Variants in RGS6 observed in about 807,000 individuals in gnomAD.
RGS6 encodes the protein regulator of G-protein signaling 6.
RGS6 carries 30 observed loss-of-function variants against 78.5 expected under a neutral mutation model. The observed-to-expected ratio is 0.38, with a 90% CI of 0.29 to 0.52. The LOEUF is 0.52. RGS6 is among the 20% of genes least tolerant of loss of function. The pLI is 0.85. For missense variants in RGS6, 495 were observed against 609.7 expected (o/e 0.81, Z 1.98); for synonymous variants, 206 against 206.0 (o/e 1.00, Z 0.00).
intron 2 of RGS6, among the ~76,000 whole-genome samples, chr14:72,140,282 CT>C (rs2096521598): frequency 6.6e-6 from 1 of 152,214 alleles, no homozygotes; most frequent in South Asian, 2.1e-4. Flanking sequence ...AACTATACCC[CT>C]ATTACTATTT....
intron 3 of RGS6, among the ~76,000 whole-genome samples, chr14:72,443,179 G>A (rs1463036516): frequency 6.6e-6 from 1 of 152,226 alleles, no homozygotes; most frequent in African/African-American, 2.4e-5. Flanking sequence ...GTAAGTGTCA[G>A]AGACTGCTAA....
intron 16 of RGS6, among the ~76,000 whole-genome samples, chr14:72,538,620 C>T (rs547789223): frequency 6.6e-6 from 1 of 152,346 alleles, no homozygotes; most frequent in South Asian, 2.1e-4. Context: ...ACTGGCCTGA[C>T]TTGAGCCAAG....
chr14:72,435,960 T>G (rs2094892400), intron 3 of RGS6, among the ~76,000 whole-genome samples: 1 of 152,192 alleles, frequency 6.6e-6, no homozygotes, highest in Non-Finnish European at 1.5e-5. Flanking sequence ...CGGGGGGACA[T>G]TATTCTATTG....
chr14:72,471,978 C>T (rs1260742036), intron 8 of RGS6, among the ~76,000 whole-genome samples: 1 of 152,060 alleles, frequency 6.6e-6, no homozygotes, highest in Non-Finnish European at 1.5e-5. Context: ...TTTTGATTAA[C>T]TCTGTGATTA....
chr14:72,510,998 G>A (rs1225366955), intron 14 of RGS6, among the ~76,000 whole-genome samples: 5 of 152,076 alleles, frequency 3.3e-5, no homozygotes, highest in Non-Finnish European at 7.4e-5. Flanking sequence ...AAGAAAAGGG[G>A]GTGAATTGAA....
At chr14:72,393,297 A>T (rs918608409) in intron 3 of RGS6, among the ~76,000 whole-genome samples, 1 of 152,206 alleles carries the variant, frequency 6.6e-6, no homozygotes, top group South Asian at 2.1e-4. Flanking sequence ...TTTGGTGATC[A>T]AGCAGCTCAA....
chr14:72,597,838 A>C, the RGS6 span, among the ~76,000 whole-genome samples: 2 of 152,148 alleles, frequency 1.3e-5, no homozygotes, highest in African/African-American at 4.8e-5. Context: ...CAGCCCCCAG[A>C]GAGAGAGGAT....
At chr14:71,923,514 A>C in the RGS6 span, among the ~76,000 whole-genome samples, 1 of 152,182 alleles carries the variant, frequency 6.6e-6, no homozygotes, top group Non-Finnish European at 1.5e-5. Context: ...TGAGCCCAGG[A>C]GTTTGAGTCC....
At chr14:71,877,525 A>G in the RGS6 span, among the ~76,000 whole-genome samples, 4 of 152,340 alleles carry the variant, frequency 2.6e-5, no homozygotes, top group Non-Finnish European at 5.9e-5. Flanking sequence ...TTTCAGCTCT[A>G]TCAGGTTATT....
intron 2 of RGS6, among the ~76,000 whole-genome samples, chr14:71,982,380 C>G (rs1212348711): frequency 6.6e-6 from 1 of 152,298 alleles, no homozygotes; most frequent in Non-Finnish European, 1.5e-5. Context: ...ATTTACGGCT[C>G]TAGGACAATG....
intron 2 of RGS6, among the ~76,000 whole-genome samples, chr14:72,190,212 G>A (rs980153851): frequency 2.0e-5 from 3 of 152,230 alleles, no homozygotes; most frequent in Non-Finnish European, 4.4e-5. Flanking sequence ...AGGGAGGGAA[G>A]CACAAGGAAC....
intron 2 of RGS6, among the ~76,000 whole-genome samples, chr14:72,085,248 C>T (rs1597317064): frequency 6.6e-6 from 1 of 152,228 alleles, no homozygotes; most frequent in East Asian, 1.9e-4. Context: ...AGAAGGCGGT[C>T]AATAAATGGC....
At chr14:72,361,967 G>A (rs2081548117) in intron 3 of RGS6, among the ~76,000 whole-genome samples, 1 of 152,200 alleles carries the variant, frequency 6.6e-6, no homozygotes, top group Non-Finnish European at 1.5e-5. Context: ...CTGCAGGGAA[G>A]CAGGACCACT....
chr14:72,046,033 G>C lies in RGS6; in HGVS notation c.84+81158G>C, dbSNP rs1049477662. Among the ~76,000 whole-genome samples, 10 of 152,176 alleles carry C rather than the reference G, an allele frequency of 6.6e-5. No individual in the cohort carries two copies. The East Asian group carries it at 1.9e-3, about 29-fold the overall frequency. Reference sequence around the variant, plus strand: ...AAGTTTGGTCGTAGTGAAGTCCTCAGAGGTCTTCTTGAGTCTTTCCTTTTC... The same window carrying C: ...AAGTTTGGTCGTAGTGAAGTCCTCACAGGTCTTCTTGAGTCTTTCCTTTTC... On this transcript the variant is annotated intron_variant, in intron 2 of 17. Transcript: ENST00000553525.
At chr14:72,017,527 G>C (rs2087307499) in intron 2 of RGS6, among the ~76,000 whole-genome samples, 1 of 152,084 alleles carries the variant, frequency 6.6e-6, no homozygotes, top group Non-Finnish European at 1.5e-5. Context: ...TGGTACCATT[G>C]TATTATAACA....
chr14:72,206,379 G>C (rs77405491), intron 2 of RGS6, among the ~76,000 whole-genome samples: 7,938 of 152,146 alleles, frequency 0.052, 480 homozygotes, highest in African/African-American at 0.15. Context: ...GAAGCAAGTC[G>C]TAGAGCAATA....
At chr14:72,245,185 C>T (rs751937798) in intron 2 of RGS6, among the ~76,000 whole-genome samples, 9 of 152,200 alleles carry the variant, frequency 5.9e-5, no homozygotes, top group Admixed American at 2.6e-4. Context: ...AAAGCACACA[C>T]GTTTGTTGAA....
intron 3 of RGS6, among the ~76,000 whole-genome samples, chr14:72,439,072 G>A (rs553602922): frequency 2.2e-4 from 33 of 152,296 alleles, no homozygotes; most frequent in East Asian, 2.1e-3. Flanking sequence ...AATGAATGAA[G>A]TTTATTGCAC....
chr14:72,251,987 A>G (rs1297760488), intron 2 of RGS6, among the ~76,000 whole-genome samples: 3 of 152,216 alleles, frequency 2.0e-5, no homozygotes, highest in African/African-American at 4.8e-5. Context: ...ACTAAGTTCA[A>G]TTCCTCATTT....
Sources: allele counts gnomAD v4.1 joint callset (sites outside exome capture counted in the v4.1 genomes callset), GRCh38; gene constraint gnomAD v4.1.1; transcripts MANE v1.5; gene names NCBI Gene and HGNC (gene_info 2026-07-23, HGNC 2026-07-21).